The following SEMA3C variants were observed in gnomAD, a reference collection of about 807,000 sequenced individuals.
The protein encoded by SEMA3C is semaphorin 3C.
SEMA3C carries 47 observed loss-of-function variants against 89.4 expected under a neutral mutation model. The observed-to-expected ratio is 0.53, with a 90% CI of 0.42 to 0.67. The LOEUF (loss-of-function observed/expected upper bound fraction) is 0.67, where lower values mean the gene tolerates loss of function less well. Among genes scored for constraint, SEMA3C ranks in the 30% least tolerant of loss-of-function variants. The pLI is 0.00. For missense variants in SEMA3C, 839 were observed against 929.1 expected (o/e 0.90, Z 1.26); for synonymous variants, 310 against 320.2 (o/e 0.97, Z 0.34).
At chr7:80,882,059 G>A (rs890551042) in intron 2 of SEMA3C, among the ~76,000 whole-genome samples, 16 of 152,162 alleles carry the variant, frequency 1.1e-4, no homozygotes, top group African/African-American at 3.6e-4. Context: ...CACAAGAAGT[G>A]CCCACGTTCC....
intron 2 of SEMA3C, among the ~76,000 whole-genome samples, chr7:80,894,900 C>T (rs949734148): frequency 1.3e-5 from 2 of 152,118 alleles, no homozygotes; most frequent in Non-Finnish European, 2.9e-5. Flanking sequence ...GTTCTAGTTA[C>T]GCTGCCTAGT....
At chr7:80,916,417 G>C (rs1321666223) in intron 2 of SEMA3C, among the ~76,000 whole-genome samples, 1 of 152,158 alleles carries the variant, frequency 6.6e-6, no homozygotes, top group Admixed American at 6.5e-5. Flanking sequence ...TCCTCTGTGA[G>C]TACACAGGCA....
intron 2 of SEMA3C, among the ~76,000 whole-genome samples, chr7:80,905,004 A>G (rs1375644771): frequency 6.6e-6 from 1 of 151,796 alleles, no homozygotes; most frequent in Non-Finnish European, 1.5e-5. Flanking sequence ...GTGGCCCTAT[A>G]ATAGGGTGGC....
chr7:80,805,986 C>A lies in SEMA3C; in HGVS notation c.539-228G>T, dbSNP rs1287172828. 3.3e-5 allele frequency among the ~76,000 whole-genome samples: 5 copies of A among 151,902 alleles called. No homozygotes were observed. In the South Asian group the frequency reaches 8.3e-4, roughly 25 times the overall value. Reference sequence around the variant, plus strand: ...TACTATGTTTTTTAAAAAATCAAACCTCAAAACAACTTTATTCTATGTAAA... The same window carrying A: ...TACTATGTTTTTTAAAAAATCAAACATCAAAACAACTTTATTCTATGTAAA... On this transcript the variant is annotated intron_variant, in intron 6 of 17. Transcript: ENST00000265361.
At position 80,806,797 on chromosome 7, in the gene SEMA3C, T is replaced by C. The variant is rs535416083; in HGVS notation, c.539-1039A>G. 2.0e-5 allele frequency among the ~76,000 whole-genome samples: 3 copies of C among 152,286 alleles called. No homozygotes were observed. In the South Asian group the frequency reaches 6.2e-4, roughly 32 times the overall value. ...TCCTTGACTGTTGTTCTAGGATTACTCCCTGGGCTACCTTCAGACCGTGGT... is the reference window on the plus strand; with the variant it reads ...TCCTTGACTGTTGTTCTAGGATTACCCCCTGGGCTACCTTCAGACCGTGGT... On this transcript the variant is annotated intron_variant, in intron 6 of 17. Coordinates refer to ENST00000265361, the MANE Select transcript of SEMA3C (RefSeq NM_006379.5).
intron 2 of SEMA3C, among the ~76,000 whole-genome samples, chr7:80,856,555 A>AC: frequency 6.6e-6 from 1 of 151,218 alleles, no homozygotes; most frequent in South Asian, 2.1e-4. Context: ...AAAAAAAAAA[A>AC]AACTAGGTTG....
intron 12 of SEMA3C, among the ~76,000 whole-genome samples, chr7:80,773,470 G>C (rs1052803074): frequency 6.6e-6 from 1 of 152,152 alleles, no homozygotes; most frequent in African/African-American, 2.4e-5. Flanking sequence ...ATTGATACTA[G>C]AGTACTTTCC....
At chr7:80,827,868 T>C (rs1391717578) in intron 3 of SEMA3C, among the ~76,000 whole-genome samples, 1 of 152,162 alleles carries the variant, frequency 6.6e-6, no homozygotes. Context: ...GTTAGTATTA[T>C]TTTTGGTAAA....
chr7:80,798,387 T>C (rs980466074), intron 10 of SEMA3C, 151 bp from the exon 11 acceptor site: 9 of 626,760 alleles, frequency 1.4e-5, no homozygotes, highest in South Asian at 4.4e-5. Flanking sequence ...CTGAAAAACT[T>C]TGAAAAAAGG....
intron 12 of SEMA3C, among the ~76,000 whole-genome samples, chr7:80,775,030 AG>A (rs1337756706): frequency 1.3e-5 from 2 of 152,130 alleles, no homozygotes; most frequent in African/African-American, 2.4e-5. Context: ...ATGAGAAACA[AG>A]GGAAGCCAAG....
chr7:80,863,625 C>G (rs181018629), intron 2 of SEMA3C, among the ~76,000 whole-genome samples: 1 of 149,266 alleles, frequency 6.7e-6, no homozygotes, highest in African/African-American at 2.5e-5. Context: ...CGTCAATCAA[C>G]GAGTAGATAA....
intron 2 of SEMA3C, among the ~76,000 whole-genome samples, chr7:80,910,365 G>A (rs1183499825): frequency 6.6e-6 from 1 of 152,186 alleles, no homozygotes; most frequent in Non-Finnish European, 1.5e-5. Flanking sequence ...TGAAAAGCCT[G>A]CAATTTAAAA....
At position 80,744,909 on chromosome 7, in the gene SEMA3C, C is replaced by T; in HGVS notation, c.2241G>A (p.Gln747=). ...TAAGAAAATATTATGACTCTGGCAA[C>T]TGATTCCTCCTGTTTCTACTTTTCC... is the stretch of plus-strand genomic sequence containing the variant. The part of the protein sequence containing the change: ...NSRKSRNRRN[Q]LPES Residue 747 remains glutamine, a synonymous_variant, in exon 18 of 18, where the codon CAG becomes CAA. Transcript: ENST00000265361. The T allele has an allele frequency of 6.2e-7, 1 of 1,614,050 alleles. No homozygotes were observed. The highest frequency in any genetic ancestry group is 8.5e-7 in the Non-Finnish European group (1 of 1,179,934).
chr7:80,886,281 T>C lies in SEMA3C; in HGVS notation c.103+30398A>G, dbSNP rs528992939. 2.0e-5 allele frequency among the ~76,000 whole-genome samples: 3 copies of C among 152,190 alleles called. No individual in the cohort carries two copies. The East Asian group carries it at 5.8e-4, about 29-fold the overall frequency. ...ATTGGTATAATAAATATATACCATA[T>C]ATGCAGTATGTATTCATATATCTGT... On this transcript the variant is annotated intron_variant, in intron 2 of 17. Coordinates refer to ENST00000265361, the MANE Select transcript of SEMA3C (RefSeq NM_006379.5).
chr7:80,826,093 G>A (rs1201913630), intron 4 of SEMA3C, among the ~76,000 whole-genome samples: 3 of 152,088 alleles, frequency 2.0e-5, no homozygotes, highest in Admixed American at 1.3e-4. Context: ...ACCCTCCAGA[G>A]TCTTCCATGG....
chr7:80,844,730 T>C (rs1016840), intron 2 of SEMA3C, among the ~76,000 whole-genome samples: 42,445 of 151,838 alleles, frequency 0.28, 6,845 homozygotes, highest in African/African-American at 0.45. Flanking sequence ...TGGGAGAAAA[T>C]TAAAATGATG....
intron 2 of SEMA3C, among the ~76,000 whole-genome samples, chr7:80,915,064 T>C (rs1792237096): frequency 1.3e-5 from 2 of 152,196 alleles, no homozygotes; most frequent in South Asian, 2.1e-4. Context: ...AGACATCTAA[T>C]CTATTAGGTC....
intron 5 of SEMA3C, among the ~76,000 whole-genome samples, chr7:80,813,889 C>T (rs1327984847): frequency 6.6e-6 from 1 of 152,136 alleles, no homozygotes; most frequent in Non-Finnish European, 1.5e-5. Context: ...CATTGAAACA[C>T]TTATTGATAA....
chr7:80,812,640 C>A (rs1789494987), intron 5 of SEMA3C, among the ~76,000 whole-genome samples: 1 of 152,122 alleles, frequency 6.6e-6, no homozygotes, highest in Admixed American at 6.5e-5. Flanking sequence ...TCACCCCCAC[C>A]AGGAGCAGAT....
Sources: gnomAD v4.1 joint callset for allele counts (sites outside exome capture counted in the v4.1 genomes callset) on GRCh38, gnomAD v4.1.1 for gene constraint, MANE v1.5 for transcripts, NCBI Gene and HGNC (gene_info 2026-07-23, HGNC 2026-07-21) for gene names.